The following ZNF451 variants were observed in gnomAD, a reference collection of about 807,000 sequenced individuals.
The protein encoded by ZNF451 is zinc finger protein 451.
In ZNF451, 80 loss-of-function variants were observed where a neutral mutation model predicts 107.1. The observed-to-expected ratio is 0.75, with a 90% CI of 0.62 to 0.90. The LOEUF is 0.90. Among genes scored for constraint, ZNF451 ranks in the 40% least tolerant of loss-of-function variants. The pLI is 0.00. For missense variants in ZNF451, 1,107 were observed against 1,236.2 expected (o/e 0.90, Z 1.57); for synonymous variants, 362 against 406.5 (o/e 0.89, Z 1.32).
chr6:57,137,831 A>G (rs143791423), intron 7 of ZNF451, among the ~76,000 whole-genome samples: 3 of 152,330 alleles, frequency 2.0e-5, no homozygotes, highest in Non-Finnish European at 4.4e-5. Flanking sequence ...TGGATATTTT[A>G]TATAAAAGGA....
chr6:57,144,019 T>A (rs538360083), intron 9 of ZNF451, among the ~76,000 whole-genome samples: 22 of 152,074 alleles, frequency 1.4e-4, no homozygotes, highest in South Asian at 2.1e-4. Flanking sequence ...ACACAGAAAG[T>A]AGTTGCTTAG....
chr6:57,109,573 GATAC>G, intron 3 of ZNF451: 2 of 985,056 alleles, frequency 2.0e-6, no homozygotes, highest in African/African-American at 1.7e-5. Flanking sequence ...ATTGGCTATA[GATAC>G]ATACATTTTA....
chr6:57,156,643 T>C (rs995044346), intron 13 of ZNF451, among the ~76,000 whole-genome samples: 2 of 152,230 alleles, frequency 1.3e-5, no homozygotes, highest in Non-Finnish European at 2.9e-5. Flanking sequence ...ATGTATGTAC[T>C]ACATTGCATA....
chr6:57,120,105 A>G (rs1830567671), intron 3 of ZNF451, among the ~76,000 whole-genome samples: 1 of 152,194 alleles, frequency 6.6e-6, no homozygotes, highest in African/African-American at 2.4e-5. Context: ...CTATCCTGTC[A>G]GTCACTGATC....
At chr6:57,122,817 A>T (rs1830708431) in intron 3 of ZNF451, among the ~76,000 whole-genome samples, 1 of 152,220 alleles carries the variant, frequency 6.6e-6, no homozygotes, top group African/African-American at 2.4e-5. Context: ...CAGTTCAGAG[A>T]TTTCTCAAAA....
chr6:57,090,356 C>G (rs1415186188), intron 1 of ZNF451, 82 bp downstream of exon 1: 22 of 1,573,008 alleles, frequency 1.4e-5, no homozygotes, highest in Non-Finnish European at 1.9e-5. Context: ...AGGCCTGGTG[C>G]TCCGTCGCAG....
At position 57,102,522 on chromosome 6, in the gene ZNF451, T is replaced by A. The variant is rs112398256; in HGVS notation, c.186+3381T>A. ...GTTTACTAAGACCAGAGGTAAATCC[T>A]TAACTTTTAGGTTATCAGTGCTTCC... On this transcript the variant is annotated intron_variant, in intron 3 of 14. Transcript: ENST00000370706. 3 of 989,762 alleles carry A rather than the reference T, an allele frequency of 3.0e-6. No individual in the cohort carries two copies. The African/African-American group carries it at 5.2e-5, about 17-fold the overall frequency. 61.3% of individuals were successfully genotyped at this position (989,762 alleles called of 1,614,324 possible).
At chr6:57,154,136 CTG>C (rs1763285989) in intron 13 of ZNF451, 89 bp downstream of exon 13, 1 of 1,258,522 alleles carries the variant, frequency 7.9e-7, no homozygotes, top group Non-Finnish European at 1.1e-6. Context: ...CGCTAGTGAA[CTG>C]TTGCCTGCTT....
intron 3 of ZNF451, among the ~76,000 whole-genome samples, 159 bp downstream of exon 3, chr6:57,099,300 C>G (rs898180456): frequency 1.3e-5 from 2 of 152,114 alleles, no homozygotes; most frequent in African/African-American, 4.8e-5. Flanking sequence ...GCCCAGATCT[C>G]CTACTTCCAG....
chr6:57,121,278 C>T (rs1208922560), intron 3 of ZNF451, among the ~76,000 whole-genome samples: 1 of 152,156 alleles, frequency 6.6e-6, no homozygotes, highest in Non-Finnish European at 1.5e-5. Flanking sequence ...GTCTTGATTA[C>T]TGTAGTTTTA....
chr6:57,098,990 A>T, intron 2 of ZNF451, 71 bp from the exon 3 acceptor site: 1 of 1,251,208 alleles, frequency 8.0e-7, no homozygotes, highest in Non-Finnish European at 1.2e-6. Context: ...CAAAAAAAAC[A>T]CTGTAGGTTT....
chr6:57,127,225 CTA>C (rs1027331469), intron 4 of ZNF451, among the ~76,000 whole-genome samples: 4 of 152,104 alleles, frequency 2.6e-5, no homozygotes, highest in Non-Finnish European at 4.4e-5. Flanking sequence ...ACTGCATACT[CTA>C]TGTATGAAAA....
intron 10 of ZNF451, 132 bp from the exon 11 acceptor site, chr6:57,150,587 G>A (rs1056360000): frequency 2.4e-6 from 2 of 839,096 alleles, no homozygotes; most frequent in Non-Finnish European, 3.6e-6. Flanking sequence ...TCACAAAAAG[G>A]TTTAGATAGA....
intron 2 of ZNF451, among the ~76,000 whole-genome samples, chr6:57,093,407 A>G (rs1829142199): frequency 6.6e-6 from 1 of 152,312 alleles, no homozygotes; most frequent in South Asian, 2.1e-4. Context: ...AGAAAATAGT[A>G]TTATTTGGCT....
intron 14 of ZNF451, among the ~76,000 whole-genome samples, chr6:57,162,730 T>G (rs1216725766): frequency 6.6e-6 from 1 of 152,210 alleles, no homozygotes; most frequent in Non-Finnish European, 1.5e-5. Context: ...AAATTATAAC[T>G]TTTAAATAAT....
At chr6:57,107,525 A>T (rs1407931217) in intron 3 of ZNF451, 1 of 984,204 alleles carries the variant, frequency 1.0e-6, no homozygotes, top group South Asian at 4.7e-5. Context: ...ACACAAGTTT[A>T]TTATATATAG....
At chr6:57,152,496 G>A in intron 12 of ZNF451, 145 bp downstream of exon 12, 1 of 917,672 alleles carries the variant, frequency 1.1e-6, no homozygotes. Context: ...GGACCCCATA[G>A]CATATTTTTA....
intron 3 of ZNF451, among the ~76,000 whole-genome samples, chr6:57,117,101 C>T (rs1341691361): frequency 1.3e-5 from 2 of 152,152 alleles, no homozygotes; most frequent in East Asian, 1.9e-4. Context: ...TAGAGAATAA[C>T]AGAGGCAATT....
chr6:57,157,997 A>C (rs1404026439), intron 13 of ZNF451, among the ~76,000 whole-genome samples: 1 of 152,240 alleles, frequency 6.6e-6, no homozygotes, highest in Non-Finnish European at 1.5e-5. Context: ...AATATGTTGA[A>C]AGAACTTCTT....
Sources: allele counts gnomAD v4.1 joint callset (sites outside exome capture counted in the v4.1 genomes callset), GRCh38; gene constraint gnomAD v4.1.1; transcripts MANE v1.5; gene names NCBI Gene and HGNC (gene_info 2026-07-23, HGNC 2026-07-21).